The following NCKAP5 variants were observed in gnomAD, a reference collection of about 807,000 sequenced individuals.
NCKAP5 encodes NCK associated protein 5, also known as nck-associated protein 5.
In NCKAP5, 92 loss-of-function variants were observed where a neutral mutation model predicts 167.0. The ratio of observed to expected loss-of-function variants is 0.55; its 90% CI spans 0.47 to 0.66. The LOEUF (loss-of-function observed/expected upper bound fraction) is 0.66. Ranked by LOEUF, NCKAP5 falls within the 30% of genes least tolerant of loss-of-function variation. NCKAP5 has a pLI of 0.00. For synonymous variants in NCKAP5, 891 were observed against 877.4 expected (o/e 1.02, Z -0.27); for missense variants, 2,378 against 2,315.0 (o/e 1.03, Z -0.56).
intron 8 of NCKAP5, among the ~76,000 whole-genome samples, chr2:132,933,760 G>A (rs1170804663): frequency 6.6e-6 from 1 of 152,162 alleles, no homozygotes; most frequent in Non-Finnish European, 1.5e-5. Context: ...TATACATGTG[G>A]AGGCCAACCT....
intron 6 of NCKAP5, among the ~76,000 whole-genome samples, chr2:133,105,427 G>C (rs905912927): frequency 1.3e-5 from 2 of 152,178 alleles, no homozygotes; most frequent in Admixed American, 1.3e-4. Flanking sequence ...ATCTATAAGA[G>C]AATAAAATAC....
Position 133,346,134 on chromosome 2 carries a change from C to T in NCKAP5, c.70-43024G>A, listed in dbSNP as rs115057164. Among the ~76,000 whole-genome samples, 867 of 152,262 alleles carry T rather than the reference C, an allele frequency of 5.7e-3. 6 individuals carry two copies. Among genetic ancestry groups the T allele is most frequent in the Middle Eastern group, 0.01 (3 of 294 alleles). On this transcript the variant is annotated intron_variant, in intron 3 of 19. Transcript: ENST00000409261. ...ACCCCACTCTAAGCAACGTTTGCCT[C>T]TTACCTAACCATGGAGAAGGAATAA...
chr2:133,046,739 A>T (rs1436138523), intron 6 of NCKAP5, among the ~76,000 whole-genome samples: 1 of 152,148 alleles, frequency 6.6e-6, no homozygotes, highest in African/African-American at 2.4e-5. Flanking sequence ...ATCATTGAAA[A>T]ACCATATAAG....
chr2:132,924,228 AT>A (rs139215806), intron 8 of NCKAP5, among the ~76,000 whole-genome samples: 4,091 of 151,662 alleles, frequency 0.027, 161 homozygotes, highest in African/African-American at 0.092. Context: ...GAAAAAGATG[AT>A]TTTTTTTTCC....
chr2:132,723,705 A>G (rs1199477396), intron 19 of NCKAP5, among the ~76,000 whole-genome samples: 1 of 152,168 alleles, frequency 6.6e-6, no homozygotes, highest in Non-Finnish European at 1.5e-5. Flanking sequence ...GACATAGAGC[A>G]TTTCCATCGT....
chr2:133,188,038 C>A (rs1423772286), intron 5 of NCKAP5, among the ~76,000 whole-genome samples: 1 of 152,022 alleles, frequency 6.6e-6, no homozygotes, highest in African/African-American at 2.4e-5. Flanking sequence ...GGTTATTTTG[C>A]TAGTTAGCTG....
intron 6 of NCKAP5, among the ~76,000 whole-genome samples, chr2:133,092,255 A>G (rs1400465193): frequency 6.6e-6 from 1 of 152,202 alleles, no homozygotes; most frequent in African/African-American, 2.4e-5. Context: ...CTGAAATCCA[A>G]TGACTGGTGT....
intron 6 of NCKAP5, among the ~76,000 whole-genome samples, chr2:133,033,570 G>T (rs574330717): frequency 1.3e-5 from 2 of 152,202 alleles, no homozygotes; most frequent in Admixed American, 1.3e-4. Context: ...TTCAGACCAA[G>T]AATTCAAAAT....
At chr2:133,526,970 A>G (rs993993194) in intron 2 of NCKAP5, 8 of 152,232 alleles carry the variant, frequency 5.3e-5, no homozygotes, top group Admixed American at 3.9e-4. Flanking sequence ...GAATTAAATT[A>G]GAAAAATTCC....
At chr2:133,245,144 C>T (rs1226260389) in intron 4 of NCKAP5, among the ~76,000 whole-genome samples, 1 of 152,092 alleles carries the variant, frequency 6.6e-6, no homozygotes, top group Non-Finnish European at 1.5e-5. Context: ...CAAGAGCCAA[C>T]AAAATACTCA....
the NCKAP5 span, among the ~76,000 whole-genome samples, chr2:133,621,815 C>T: frequency 2.0e-5 from 3 of 151,838 alleles, 1 homozygote; most frequent in South Asian, 4.1e-4. Flanking sequence ...ACCCAAACCA[C>T]GCAAGGACAT....
intron 8 of NCKAP5, among the ~76,000 whole-genome samples, chr2:132,944,171 G>A (rs1055976776): frequency 6.6e-6 from 1 of 152,162 alleles, no homozygotes; most frequent in African/African-American, 2.4e-5. Context: ...AAATGTTTTG[G>A]GGGCAGGGGG....
intron 4 of NCKAP5, among the ~76,000 whole-genome samples, chr2:133,221,166 T>C (rs2086647558): frequency 1.3e-5 from 2 of 152,168 alleles, no homozygotes; most frequent in African/African-American, 2.4e-5. Flanking sequence ...AAATAAAGTA[T>C]AACAAATAAA....
chr2:133,260,964 C>A (rs1405542030), intron 4 of NCKAP5, among the ~76,000 whole-genome samples: 1 of 152,160 alleles, frequency 6.6e-6, no homozygotes. Context: ...TGGTAGTTTA[C>A]ATCTCATTAA....
intron 3 of NCKAP5, among the ~76,000 whole-genome samples, chr2:133,355,606 T>A (rs1286787749): frequency 6.6e-6 from 1 of 152,174 alleles, no homozygotes; most frequent in Non-Finnish European, 1.5e-5. Context: ...AACCTTTTTT[T>A]TTTCTTTTTG....
At chr2:133,334,857 A>AT (rs1221576595) in intron 3 of NCKAP5, among the ~76,000 whole-genome samples, 2 of 152,204 alleles carry the variant, frequency 1.3e-5, no homozygotes, top group African/African-American at 2.4e-5. Flanking sequence ...TTGATGTTAG[A>AT]TTTTTTTATC....
chr2:132,998,542 C>A (rs2077676805), intron 6 of NCKAP5, among the ~76,000 whole-genome samples: 1 of 152,138 alleles, frequency 6.6e-6, no homozygotes, highest in African/African-American at 2.4e-5. Flanking sequence ...TGAATCATGT[C>A]ACAGAGAAAA....
intron 3 of NCKAP5, among the ~76,000 whole-genome samples, chr2:133,493,119 T>G (rs559186907): frequency 6.6e-6 from 1 of 152,172 alleles, no homozygotes; most frequent in Non-Finnish European, 1.5e-5. Flanking sequence ...AGTGTAAAAT[T>G]GGGTGTAGCT....
At chr2:133,559,354 A>C (rs1687996017) in intron 1 of NCKAP5, among the ~76,000 whole-genome samples, 2 of 152,170 alleles carry the variant, frequency 1.3e-5, no homozygotes, top group African/African-American at 4.8e-5. Flanking sequence ...ATTTTTTAAG[A>C]ATCTCACAGC....
Sources: gnomAD v4.1 joint callset for allele counts (sites outside exome capture counted in the v4.1 genomes callset) on GRCh38, gnomAD v4.1.1 for gene constraint, MANE v1.5 for transcripts, NCBI Gene and HGNC (gene_info 2026-07-23, HGNC 2026-07-21) for gene names.